Variants in ATRNL1 observed in about 807,000 individuals in gnomAD.
ATRNL1 encodes the protein attractin-like protein 1.
Under a neutral mutation model 182.7 loss-of-function variants are expected in ATRNL1, and 95 were observed. The observed-to-expected ratio is 0.52, with a 90% CI of 0.44 to 0.62. The LOEUF (loss-of-function observed/expected upper bound fraction) is 0.62. ATRNL1 is among the 20% of genes least tolerant of loss of function. The probability of loss-of-function intolerance (pLI) is 0.00; values close to 1 mark genes in which losing one functional copy is unlikely to be tolerated. For synonymous variants in ATRNL1, 576 were observed against 568.3 expected (o/e 1.01, Z -0.19); for missense variants, 1,471 against 1,679.5 (o/e 0.88, Z 2.17).
At position 115,784,169 on chromosome 10, in the gene ATRNL1, T is replaced by C. The variant is rs139082026; in HGVS notation, c.3903+56814T>C. Among the ~76,000 whole-genome samples, 888 of 152,274 alleles carry C rather than the reference T, an allele frequency of 5.8e-3. 1 individual carries two copies. Among genetic ancestry groups the C allele is most frequent in the Middle Eastern group, 0.014 (4 of 294 alleles). ...AATTGGAATGATATGCCTTATAGAG[T>C]GTTGTAAAACTTCAATGAGACTCTG... is the stretch of plus-strand genomic sequence containing the variant. On this transcript the variant is annotated intron_variant, in intron 27 of 28. Transcript: ENST00000355044.
At chr10:115,932,621 A>G (rs1953435667) in intron 28 of ATRNL1, among the ~76,000 whole-genome samples, 1 of 152,110 alleles carries the variant, frequency 6.6e-6, no homozygotes, top group African/African-American at 2.4e-5. Flanking sequence ...TTTTATATGG[A>G]AGTCATAAAT....
chr10:115,682,098 T>C (rs1555044903), intron 26 of ATRNL1, among the ~76,000 whole-genome samples: 1 of 152,170 alleles, frequency 6.6e-6, no homozygotes, highest in Non-Finnish European at 1.5e-5. Context: ...AATAAAACTC[T>C]GTTGGATTTT....
At chr10:115,260,177 G>T (rs1554908383) in intron 10 of ATRNL1, among the ~76,000 whole-genome samples, 1 of 152,072 alleles carries the variant, frequency 6.6e-6, no homozygotes, top group African/African-American at 2.4e-5. Context: ...TTTCTCTTCT[G>T]CAGGACTTGT....
At chr10:115,489,637 G>A (rs1432841614) in intron 24 of ATRNL1, among the ~76,000 whole-genome samples, 1 of 152,092 alleles carries the variant, frequency 6.6e-6, no homozygotes. Context: ...CATGAGATGG[G>A]TCTCCTGAAT....
chr10:115,634,287 G>T (rs1555027326), intron 26 of ATRNL1, among the ~76,000 whole-genome samples: 2 of 152,006 alleles, frequency 1.3e-5, no homozygotes. Flanking sequence ...TCCACTTCAT[G>T]CTATACCGTG....
At chr10:115,931,147 T>A (rs1462542729) in intron 28 of ATRNL1, among the ~76,000 whole-genome samples, 1 of 152,164 alleles carries the variant, frequency 6.6e-6, no homozygotes, top group Non-Finnish European at 1.5e-5. Flanking sequence ...AGATTTGCTT[T>A]TACATTGCTT....
intron 28 of ATRNL1, among the ~76,000 whole-genome samples, chr10:115,904,136 A>T (rs554608783): frequency 5.2e-4 from 79 of 152,274 alleles, no homozygotes; most frequent in Middle Eastern, 3.4e-3. Context: ...GAAAAGACCA[A>T]TGGAAAGTCC....
chr10:115,257,863 A>G (rs1851222052), intron 10 of ATRNL1, among the ~76,000 whole-genome samples: 2 of 152,190 alleles, frequency 1.3e-5, no homozygotes, highest in African/African-American at 2.4e-5. Context: ...TCCTTCACTT[A>G]TGAAGGTTAG....
chr10:115,785,414 C>T (rs1436783907), intron 27 of ATRNL1, among the ~76,000 whole-genome samples: 1 of 152,198 alleles, frequency 6.6e-6, no homozygotes, highest in East Asian at 1.9e-4. Flanking sequence ...GTCATTCCTC[C>T]TCCATTTTCT....
chr10:115,881,990 T>A (rs1555108677), intron 28 of ATRNL1, among the ~76,000 whole-genome samples: 1 of 152,170 alleles, frequency 6.6e-6, no homozygotes, highest in African/African-American at 2.4e-5. Context: ...GGACCAGCCA[T>A]TTCTGACAGG....
At chr10:115,333,110 A>G (rs2134069949) in intron 18 of ATRNL1, among the ~76,000 whole-genome samples, 1 of 152,276 alleles carries the variant, frequency 6.6e-6, no homozygotes, top group South Asian at 2.1e-4. Flanking sequence ...CCAGCAGAAT[A>G]TTGGCTTTCC....
At chr10:115,308,627 A>T (rs1302495017) in intron 17 of ATRNL1, among the ~76,000 whole-genome samples, 2 of 152,162 alleles carry the variant, frequency 1.3e-5, no homozygotes, top group Non-Finnish European at 2.9e-5. Flanking sequence ...AGCCAAAAAT[A>T]AATAAACAGG....
chr10:115,215,845 T>A lies in ATRNL1; in HGVS notation c.1497T>A (p.Asp499Glu). 6.3e-7 allele frequency: 1 copy of A among 1,584,060 alleles called. No individual in the cohort carries two copies. Among genetic ancestry groups the A allele is most frequent in the African/African-American group, 1.4e-5 (1 of 73,354 alleles). ...CAGGGAACAAATATGGATTGGTTGA[T>A]GATCTTTATAAATATGAAGTTAACA... The part of the protein sequence containing the change: ...ALPGNKYGLV[D>E]DLYKYEVNTK... The change falls in exon 9 of 29, where the codon GAT (aspartate) becomes GAA (glutamate). Residue 499 changes from aspartate (D) to glutamate (E), a missense_variant. By Grantham distance (45) the Asp-to-Glu change is conservative. Transcript: ENST00000355044.
intron 10 of ATRNL1, among the ~76,000 whole-genome samples, chr10:115,254,139 G>A (rs1237694688): frequency 7.9e-5 from 12 of 152,142 alleles, no homozygotes; most frequent in African/African-American, 2.9e-4. Flanking sequence ...ATAATCCTTT[G>A]GGTATATACC....
At position 115,121,807 on chromosome 10, in the gene ATRNL1, A is replaced by G; in HGVS notation, c.486A>G (p.Val162=). Residue 162 remains valine (V), a synonymous_variant, in exon 3 of 29, where the codon GTA becomes GTG. Transcript: ENST00000355044. ...GDSIYAPLIA[V]LSGLIVPEIR... ...CAATATATGCACCTTTAATAGCTGTACTTAGGTGAGTAATTATATTTAATC... is the reference window on the plus strand; with the variant it reads ...CAATATATGCACCTTTAATAGCTGTGCTTAGGTGAGTAATTATATTTAATC... The G allele has an allele frequency of 7.0e-7, 1 of 1,422,118 alleles. No individual in the cohort carries two copies. The highest frequency in any genetic ancestry group is 9.7e-7 in the Non-Finnish European group (1 of 1,032,872). 88.1% of individuals were successfully genotyped at this position (1,422,118 alleles called of 1,614,324 possible).
At chr10:115,804,799 A>G (rs909121850) in intron 27 of ATRNL1, among the ~76,000 whole-genome samples, 1 of 152,170 alleles carries the variant, frequency 6.6e-6, no homozygotes, top group Admixed American at 6.5e-5. Flanking sequence ...ACATATTAAG[A>G]TCACAGGGGA....
intron 8 of ATRNL1, among the ~76,000 whole-genome samples, chr10:115,200,079 A>T (rs952682569): frequency 6.6e-6 from 1 of 152,036 alleles, no homozygotes; most frequent in Non-Finnish European, 1.5e-5. Flanking sequence ...TCTAGTGATT[A>T]AAAAAATACC....
chr10:115,632,255 G>A (rs1858560673), intron 26 of ATRNL1, among the ~76,000 whole-genome samples: 1 of 152,114 alleles, frequency 6.6e-6, no homozygotes, highest in African/African-American at 2.4e-5. Context: ...AATAAATAAT[G>A]CTACCAGACT....
At chr10:115,316,735 C>A (rs1289966797) in intron 18 of ATRNL1, among the ~76,000 whole-genome samples, 2 of 152,044 alleles carry the variant, frequency 1.3e-5, no homozygotes, top group Non-Finnish European at 1.5e-5. Context: ...CTGTTCATAT[C>A]CTTTGCCCAG....
Sources: gnomAD v4.1 joint callset for allele counts (sites outside exome capture counted in the v4.1 genomes callset) on GRCh38, gnomAD v4.1.1 for gene constraint, MANE v1.5 for transcripts, NCBI Gene and HGNC (gene_info 2026-07-23, HGNC 2026-07-21) for gene names.